The following SYT16 variants were observed in gnomAD, a reference collection of about 807,000 sequenced individuals.
SYT16 encodes synaptotagmin-16.
A neutral mutation model predicts 61.4 loss-of-function variants in SYT16; 42 were observed. That is an observed-to-expected ratio of 0.68 (90% CI 0.53 to 0.89). The LOEUF is 0.89. Ranked by LOEUF, SYT16 falls within the 40% of genes least tolerant of loss-of-function variation. The probability of loss-of-function intolerance (pLI) is 0.00; values close to 1 mark genes in which losing one functional copy is unlikely to be tolerated. For missense variants in SYT16, 804 were observed against 807.3 expected, an observed-to-expected ratio of 1.00 and a Z score of 0.05; for synonymous variants, 314 against 302.3, an observed-to-expected ratio of 1.04 and a Z score of -0.40.
In SYT16 at chr14:61,991,962, A is replaced by G. The variant is rs910590234; in HGVS notation, c.-144-3914A>G. Among the ~76,000 whole-genome samples, 723 of 151,942 alleles carry G rather than the reference A, an allele frequency of 4.8e-3. 3 individuals are homozygous for G. The highest frequency in any genetic ancestry group is 0.017 in the African/African-American group (683 of 41,378). On this transcript the variant is annotated intron_variant, in intron 2 of 7. Coordinates refer to ENST00000683842, the MANE Select transcript of SYT16 (RefSeq NM_001367656.1). The stretch of plus-strand genomic sequence containing the variant: ...AATAACTTTGTTCGTTCATTCATTC[A>G]TTCATTCATTCATTCATTCATTCAT...
Position 61,947,181 on chromosome 14 carries a change from C to T in SYT16, c.-324-22951C>T, listed in dbSNP as rs140099384. Among the ~76,000 whole-genome samples the T allele has an allele frequency of 1.7e-3, 253 of 151,830 alleles. 1 individual carries two copies. Among genetic ancestry groups the T allele is most frequent in the African/African-American group, 5.6e-3 (232 of 41,384 alleles). On this transcript the variant is annotated intron_variant, in intron 1 of 7. Transcript: ENST00000683842. ...GTAAAGCCAGTACCGTCAGAATGCA[C>T]GGAGAATCCTGGGCTCTGGTCTCAG...
At chr14:61,840,069 C>T (rs2046258839) in intron 1 of SYT16, among the ~76,000 whole-genome samples, 1 of 151,930 alleles carries the variant, frequency 6.6e-6, no homozygotes, top group African/African-American at 2.4e-5. Flanking sequence ...GAGACAGAAT[C>T]CAGGGCTTGT....
intron 3 of SYT16, among the ~76,000 whole-genome samples, chr14:62,061,112 C>G (rs2055805392): frequency 6.6e-6 from 1 of 152,030 alleles, no homozygotes; most frequent in Non-Finnish European, 1.5e-5. Flanking sequence ...AAGTACAAAT[C>G]ATTGTAGAGT....
At chr14:62,059,562 G>A (rs1484428240) in intron 3 of SYT16, among the ~76,000 whole-genome samples, 1 of 151,356 alleles carries the variant, frequency 6.6e-6, no homozygotes, top group Non-Finnish European at 1.5e-5. Flanking sequence ...TAATGCTTTT[G>A]TATATCCTAA....
chr14:62,067,211 C>T (rs1361124369), intron 3 of SYT16, among the ~76,000 whole-genome samples: 2 of 152,154 alleles, frequency 1.3e-5, no homozygotes, highest in East Asian at 3.8e-4. Context: ...TTATGAACTA[C>T]TTACCGTGGA....
At chr14:61,904,670 C>T (rs2048639519) in intron 1 of SYT16, among the ~76,000 whole-genome samples, 1 of 152,116 alleles carries the variant, frequency 6.6e-6, no homozygotes, top group Non-Finnish European at 1.5e-5. Flanking sequence ...AGTGATGGTG[C>T]CTGAATAGCT....
In SYT16 at chr14:61,996,427, G is replaced by A; in HGVS notation, c.408G>A (p.Val136=). 6.2e-7 allele frequency: 1 copy of A among 1,613,508 alleles called. No homozygotes were observed. The part of the protein sequence containing the change: ...WASDDRKLPH[V]LSSIAEEEHH... ...GTGATGACCGCAAGTTACCACATGT[G>A]CTTTCTTCTATTGCGGAGGAAGAGC... Residue 136 remains valine, a synonymous_variant, in exon 3 of 8, where the codon GTG becomes GTA. Coordinates refer to ENST00000683842, the MANE Select transcript of SYT16 (RefSeq NM_001367656.1).
chr14:62,082,114 G>A (rs1212006078), intron 6 of SYT16, among the ~76,000 whole-genome samples: 1 of 152,174 alleles, frequency 6.6e-6, no homozygotes, highest in Non-Finnish European at 1.5e-5. Context: ...GGAACTCAAA[G>A]CATCGAGAGA....
rs531217257 is a variant in SYT16, at chr14:62,109,148, T to G, written c.*8441T>G. The G allele has an allele frequency of 6.6e-6, 1 of 152,282 alleles. No individual in the cohort carries two copies. The highest frequency in any genetic ancestry group is 2.1e-4 in the South Asian group (1 of 4,834). The allele number at this position is 152,282 out of a possible 1,614,324, so 9.4% of individuals were successfully genotyped here. ...TATTGTAGTATCATACAGAAGATTT[T>G]CACTGCCCTAAAAATCCTCTGTGCT... On this transcript the variant is annotated 3_prime_UTR_variant, in exon 8 of 8. Coordinates refer to ENST00000683842, the MANE Select transcript of SYT16 (RefSeq NM_001367656.1).
intron 1 of SYT16, among the ~76,000 whole-genome samples, chr14:61,928,197 C>T (rs1479834508): frequency 6.6e-6 from 1 of 151,986 alleles, no homozygotes; most frequent in Non-Finnish European, 1.5e-5. Context: ...GGTTGAAAGG[C>T]GGAGCTAGAC....
At chr14:61,862,595 C>T (rs117248129) in intron 1 of SYT16, among the ~76,000 whole-genome samples, 94 of 152,228 alleles carry the variant, frequency 6.2e-4, no homozygotes, top group East Asian at 4.3e-3. Context: ...TAGACTGATA[C>T]ATTTGTTAAC....
intron 1 of SYT16, among the ~76,000 whole-genome samples, chr14:61,961,492 G>A (rs555299147): frequency 3.0e-4 from 46 of 152,132 alleles, no homozygotes; most frequent in African/African-American, 1.0e-3. Context: ...AGACATACAC[G>A]TGGCCAACAA....
At position 62,078,134 on chromosome 14, in the gene SYT16, TCTCG is replaced by T. The variant is rs543165846; in HGVS notation, c.994-2696_994-2693del. Among the ~76,000 whole-genome samples the T allele has an allele frequency of 4.2e-3, 582 of 137,722 alleles. 4 individuals carry two copies. Among genetic ancestry groups the T allele is most frequent in the African/African-American group, 0.016 (562 of 34,688 alleles). 90.4% of individuals were successfully genotyped at this position (137,722 alleles called of 152,430 possible). On this transcript the variant is annotated intron_variant, in intron 5 of 7. Coordinates refer to ENST00000683842, the MANE Select transcript of SYT16 (RefSeq NM_001367656.1). ...CTCTCTCTCTCTCTCTCTAGTGCTC[TCTCG>T]CTCTCTCTCTCTCTCTCTATATATA...
chr14:61,900,073 A>G (rs1002474935), intron 1 of SYT16, among the ~76,000 whole-genome samples: 1 of 152,206 alleles, frequency 6.6e-6, no homozygotes, highest in Non-Finnish European at 1.5e-5. Context: ...GAGAAAGAAG[A>G]AAGAGCTGGT....
At chr14:61,979,215 T>G (rs968768335) in intron 2 of SYT16, among the ~76,000 whole-genome samples, 1 of 152,202 alleles carries the variant, frequency 6.6e-6, no homozygotes, top group African/African-American at 2.4e-5. Flanking sequence ...ATTATTATTA[T>G]TATTTTTGGC....
rs1259156511 is a variant in SYT16, at chr14:62,101,759, G to T, written c.*1052G>T. 2 of 152,166 alleles carry T rather than the reference G, an allele frequency of 1.3e-5. No individual in the cohort carries two copies. The highest frequency in any genetic ancestry group is 2.9e-5 in the Non-Finnish European group (2 of 68,008). 9.4% of individuals were successfully genotyped at this position (152,166 alleles called of 1,614,324 possible). On this transcript the variant is annotated 3_prime_UTR_variant, in exon 8 of 8. Transcript: ENST00000683842. ...GTGAATGGAGAAATATTTTCAGCTTGTGTGGAATGACATTAAGTTTTTCTT... is the reference window on the plus strand; with the variant it reads ...GTGAATGGAGAAATATTTTCAGCTTTTGTGGAATGACATTAAGTTTTTCTT...
At chr14:61,889,837 A>G (rs1051619116) in intron 1 of SYT16, among the ~76,000 whole-genome samples, 9 of 151,950 alleles carry the variant, frequency 5.9e-5, no homozygotes, top group Admixed American at 6.6e-5. Context: ...GCATTCCTTT[A>G]TACCAACACA....
chr14:62,044,207 A>C (rs1188692758), intron 3 of SYT16, among the ~76,000 whole-genome samples: 1 of 151,928 alleles, frequency 6.6e-6, no homozygotes, highest in Non-Finnish European at 1.5e-5. Context: ...CTTTGAAAAA[A>C]AAAAAAATAG....
chr14:61,900,850 CA>C (rs746705480), intron 1 of SYT16, among the ~76,000 whole-genome samples: 30 of 152,188 alleles, frequency 2.0e-4, no homozygotes, highest in Non-Finnish European at 3.5e-4. Flanking sequence ...ATTTAAGTTA[CA>C]AAGACATCCA....
Sources: gnomAD v4.1 joint callset for allele counts (sites outside exome capture counted in the v4.1 genomes callset) on GRCh38, gnomAD v4.1.1 for gene constraint, MANE v1.5 for transcripts, NCBI Gene and HGNC (gene_info 2026-07-23, HGNC 2026-07-21) for gene names.